Variants in PPFIA1 observed in about 807,000 individuals in gnomAD.
PPFIA1 encodes liprin-alpha-1.
PPFIA1 carries 25 observed loss-of-function variants against 149.9 expected under a neutral mutation model. The ratio of observed to expected loss-of-function variants is 0.17; its 90% CI spans 0.12 to 0.23. PPFIA1 has a LOEUF of 0.23. Ranked by LOEUF, PPFIA1 falls within the 10% of genes least tolerant of loss-of-function variation. The probability of loss-of-function intolerance (pLI) is 1.00; values close to 1 mark genes in which losing one functional copy is unlikely to be tolerated. For missense variants in PPFIA1, 1,362 were observed against 1,506.5 expected (o/e 0.90, Z 1.59); for synonymous variants, 549 against 552.8 (o/e 0.99, Z 0.10).
At chr11:70,320,436 CTTT>C (rs34619705) in intron 2 of PPFIA1, among the ~76,000 whole-genome samples, 5 of 128,334 alleles carry the variant, frequency 3.9e-5, no homozygotes, top group African/African-American at 3.1e-5. Context: ...GATGTAGCTA[CTTT>C]TTTTTTTTTT....
At chr11:70,380,428 T>G (rs2057664875) in intron 26 of PPFIA1, among the ~76,000 whole-genome samples, 1 of 148,908 alleles carries the variant, frequency 6.7e-6, no homozygotes, top group Admixed American at 6.7e-5. Flanking sequence ...AAAAAAAAAA[T>G]TAGCTGGGCA....
intron 23 of PPFIA1, chr11:70,373,489 A>G (rs2057360271): frequency 6.6e-6 from 1 of 151,662 alleles, no homozygotes; most frequent in African/African-American, 2.4e-5. Context: ...TTGGCCTTCC[A>G]AAGTGTTGGG....
At position 70,343,087 on chromosome 11, in the gene PPFIA1, A is replaced by G. The variant is rs916854169; in HGVS notation, c.1708-582A>G. Reference sequence around the variant, plus strand: ...CTCAGCCTCTCCAGTAGCTGGGATTACAGGCATGAGCCACTACACCTGGCT... The same window carrying G: ...CTCAGCCTCTCCAGTAGCTGGGATTGCAGGCATGAGCCACTACACCTGGCT... On this transcript the variant is annotated intron_variant, in intron 14 of 27. Transcript: ENST00000253925. 2.0e-5 allele frequency among the ~76,000 whole-genome samples: 3 copies of G among 151,860 alleles called. No individual in the cohort carries two copies. The South Asian group carries it at 6.2e-4, about 32-fold the overall frequency.
chr11:70,305,531 C>T (rs1420873707), intron 2 of PPFIA1, among the ~76,000 whole-genome samples: 1 of 152,136 alleles, frequency 6.6e-6, no homozygotes, highest in East Asian at 1.9e-4. Flanking sequence ...ACCACCACGC[C>T]TGGCTATTTT....
chr11:70,339,527 C>T (rs775886246), intron 14 of PPFIA1, among the ~76,000 whole-genome samples: 1 of 151,332 alleles, frequency 6.6e-6, no homozygotes, highest in African/African-American at 2.4e-5. Context: ...TCTGTGTTGC[C>T]CAAGCTGGTC....
chr11:70,325,470 AC>A, intron 4 of PPFIA1, 29 bp from the exon 5 acceptor site: 1 of 1,473,936 alleles, frequency 6.8e-7, no homozygotes, highest in Non-Finnish European at 9.5e-7. Context: ...ATACACACAC[AC>A]ACACAAACTC....
intron 3 of PPFIA1, 66 bp downstream of exon 3, chr11:70,324,569 C>A: frequency 1.5e-6 from 2 of 1,359,642 alleles, no homozygotes; most frequent in South Asian, 1.2e-5. Context: ...GGCGGTGTGT[C>A]AAAACGAAAG....
rs1035200373 is a variant in PPFIA1, at chr11:70,343,942, G to A, written c.1931+50G>A. On this transcript the variant is annotated intron_variant, in intron 15 of 27. Coordinates refer to ENST00000253925, the MANE Select transcript of PPFIA1 (RefSeq NM_003626.5). ...CACCACACGCATGGGTGTCTCTGAG[G>A]AATCTCATCTTGCCTGGAAAAGTCT... 11 of 1,498,418 alleles carry A rather than the reference G, an allele frequency of 7.3e-6. No homozygotes were observed. In the Admixed American group the frequency reaches 2.0e-4, roughly 27 times the overall value. 92.8% of individuals were successfully genotyped at this position (1,498,418 alleles called of 1,614,324 possible).
chr11:70,346,454 AT>A (rs1282079849), intron 15 of PPFIA1, among the ~76,000 whole-genome samples: 1 of 152,116 alleles, frequency 6.6e-6, no homozygotes, highest in Non-Finnish European at 1.5e-5. Context: ...AAAGAAAAAA[AT>A]AGGGCTGTAC....
intron 2 of PPFIA1, among the ~76,000 whole-genome samples, chr11:70,275,259 C>T (rs948379838): frequency 1.1e-4 from 16 of 152,154 alleles, no homozygotes; most frequent in African/African-American, 2.9e-4. Context: ...TTTTGTGAAA[C>T]GGTTATCTTT....
At chr11:70,292,213 G>A (rs1002892923) in intron 2 of PPFIA1, among the ~76,000 whole-genome samples, 2 of 152,066 alleles carry the variant, frequency 1.3e-5, no homozygotes, top group Non-Finnish European at 2.9e-5. Flanking sequence ...TGAACTCCTG[G>A]GCTCAAGTGA....
intron 26 of PPFIA1, chr11:70,381,340 T>A (rs1326763667): frequency 1.3e-5 from 2 of 152,164 alleles, no homozygotes; most frequent in East Asian, 3.8e-4. Context: ...TGCAAAAACT[T>A]AAAATCCCAG....
intron 26 of PPFIA1, 114 bp from the exon 27 acceptor site, chr11:70,381,974 T>A: frequency 2.3e-6 from 2 of 873,456 alleles, no homozygotes; most frequent in Admixed American, 4.1e-5. Context: ...CTCAGGTCCC[T>A]CCGTAGGCAC....
intron 2 of PPFIA1, among the ~76,000 whole-genome samples, chr11:70,306,299 T>G (rs1458191985): frequency 6.6e-6 from 1 of 152,192 alleles, no homozygotes; most frequent in Non-Finnish European, 1.5e-5. Flanking sequence ...AGTAAAACAT[T>G]GATTAAATAC....
chr11:70,276,148 C>A (rs867041991), intron 2 of PPFIA1, among the ~76,000 whole-genome samples: 2 of 152,174 alleles, frequency 1.3e-5, no homozygotes, highest in Middle Eastern at 3.4e-3. Flanking sequence ...GCTCCATTAC[C>A]CAGCCCGGAG....
chr11:70,319,346 C>T (rs1347152960), intron 2 of PPFIA1, among the ~76,000 whole-genome samples: 1 of 152,246 alleles, frequency 6.6e-6, no homozygotes, highest in Non-Finnish European at 1.5e-5. Flanking sequence ...CTTCTGGCCT[C>T]ACCTTCTCAC....
At chr11:70,356,108 A>G (rs1337648166) in intron 18 of PPFIA1, 53 bp from the exon 19 acceptor site, 1 of 1,387,732 alleles carries the variant, frequency 7.2e-7, no homozygotes, top group Non-Finnish European at 1.0e-6. Flanking sequence ...TTATGAAAAC[A>G]TAGAGCTTTG....
In PPFIA1 at chr11:70,378,128, T is replaced by G; in HGVS notation, c.3483T>G (p.Pro1161=). The change falls in exon 26 of 28, where the codon CCT becomes CCG. Residue 1161 remains proline (P), a synonymous_variant. Coordinates refer to ENST00000253925, the MANE Select transcript of PPFIA1 (RefSeq NM_003626.5). The part of the protein sequence containing the change: ...GLAAGSAETL[P]ANFRVTSSMS... ...CTGCTGGGTCAGCAGAGACTCTCCC[T>G]GCAAACTTCCGGGTGACTTCTTCTA... 1 of 1,614,192 alleles carries G rather than the reference T, an allele frequency of 6.2e-7. No homozygotes were observed. Among genetic ancestry groups the G allele is most frequent in the Non-Finnish European group, 8.5e-7 (1 of 1,180,038 alleles).
At position 70,343,795 on chromosome 11, in the gene PPFIA1, A is replaced by C; in HGVS notation, c.1834A>C (p.Ser612Arg). The change falls in exon 15 of 28, where the codon AGC (serine) becomes CGC (arginine). Residue 612 changes from serine to arginine, a missense_variant. Physicochemically the swap from Ser to Arg is moderately radical, Grantham distance 110 (BLOSUM62 -1). This residue lies in a region of PPFIA1 where 733 missense variants were observed against 744.1 expected (regional missense o/e 0.99). Coordinates refer to ENST00000253925, the MANE Select transcript of PPFIA1 (RefSeq NM_003626.5). The part of the protein sequence containing the change: ...DGEDDRDTLL[S>R]SVDLLSPSGQ... ...TGAAGATGACAGGGACACTCTCCTC[A>C]GCTCAGTTGACCTGCTATCGCCCAG... is the stretch of plus-strand genomic sequence containing the variant. The C allele has an allele frequency of 6.2e-7, 1 of 1,614,208 alleles. No homozygotes were observed. The highest frequency in any genetic ancestry group is 8.5e-7 in the Non-Finnish European group (1 of 1,180,038).
Sources: gnomAD v4.1 joint callset for allele counts (sites outside exome capture counted in the v4.1 genomes callset) on GRCh38, gnomAD v4.1.1 for gene constraint, gnomAD v4.1.1 regional missense constraint, MANE v1.5 for transcripts, NCBI Gene and HGNC (gene_info 2026-07-23, HGNC 2026-07-21) for gene names.